The following RPS6KC1 variants were observed in gnomAD, a reference collection of about 807,000 sequenced individuals.
RPS6KC1 encodes the protein ribosomal protein S6 kinase C1, also known as inactive ribosomal protein S6 kinase delta-1.
A neutral mutation model predicts 103.8 loss-of-function variants in RPS6KC1; 54 were observed. That is an observed-to-expected ratio of 0.52 (90% CI 0.42 to 0.65). The LOEUF is 0.65. Ranked by LOEUF, RPS6KC1 falls within the 30% of genes least tolerant of loss-of-function variation. RPS6KC1 has a pLI of 0.00. For synonymous variants in RPS6KC1, 439 were observed against 438.7 expected (o/e 1.00, Z -0.01); for missense variants, 1,151 against 1,253.8 (o/e 0.92, Z 1.24).
At chr1:213,332,674 C>T in the RPS6KC1 span, among the ~76,000 whole-genome samples, 1 of 152,114 alleles carries the variant, frequency 6.6e-6, no homozygotes, top group African/African-American at 2.4e-5. Context: ...ACAGCTGGGT[C>T]GTGGGTTCCT....
the RPS6KC1 span, among the ~76,000 whole-genome samples, chr1:213,785,714 A>T: frequency 8.5e-4 from 129 of 152,250 alleles, no homozygotes; most frequent in African/African-American, 3.0e-3. Context: ...GGAGTTATCC[A>T]TGGGTTTATA....
At chr1:213,503,039 CTA>C in the RPS6KC1 span, among the ~76,000 whole-genome samples, 314 of 151,918 alleles carry the variant, frequency 2.1e-3, 1 homozygote, top group Non-Finnish European at 3.3e-3. Context: ...TGCATATGCT[CTA>C]TTTTCCTCTT....
intron 12 of RPS6KC1, among the ~76,000 whole-genome samples, chr1:213,245,560 A>G (rs1261347311): frequency 6.6e-6 from 1 of 152,122 alleles, no homozygotes; most frequent in Non-Finnish European, 1.5e-5. Flanking sequence ...CTTATCACAT[A>G]TTTGTCCTGA....
At chr1:213,408,468 G>T in the RPS6KC1 span, among the ~76,000 whole-genome samples, 1 of 152,182 alleles carries the variant, frequency 6.6e-6, no homozygotes, top group African/African-American at 2.4e-5. Context: ...TCATAGATGT[G>T]ATTAGCACCT....
At chr1:213,379,095 CT>C in the RPS6KC1 span, among the ~76,000 whole-genome samples, 45 of 152,272 alleles carry the variant, frequency 3.0e-4, no homozygotes, top group East Asian at 8.5e-3. Context: ...GACCCTTGAC[CT>C]TTCTGAGCCC....
At chr1:213,109,559 T>C (rs1407738605) in intron 4 of RPS6KC1, among the ~76,000 whole-genome samples, 1 of 152,252 alleles carries the variant, frequency 6.6e-6, no homozygotes, top group African/African-American at 2.4e-5. Flanking sequence ...TTAAACTGTT[T>C]TTTTTTCCAT....
At chr1:213,768,605 G>C in the RPS6KC1 span, among the ~76,000 whole-genome samples, 3 of 152,190 alleles carry the variant, frequency 2.0e-5, no homozygotes, top group Non-Finnish European at 2.9e-5. Flanking sequence ...TTACGGTTTG[G>C]CTAACAAAAC....
chr1:213,740,663 A>ATACACATATATATCTCTCAGATATATG, the RPS6KC1 span, among the ~76,000 whole-genome samples: 2,621 of 134,304 alleles, frequency 0.02, 148 homozygotes, highest in African/African-American at 0.041. Context: ...TCAGATATAT[A>ATACACATATATATCTCTCAGATATATG]TACACATATA....
At chr1:213,143,360 T>G (rs2087308518) in intron 6 of RPS6KC1, among the ~76,000 whole-genome samples, 1 of 152,004 alleles carries the variant, frequency 6.6e-6, no homozygotes, top group Non-Finnish European at 1.5e-5. Flanking sequence ...TTTTTTTTTC[T>G]TATTCACTCA....
the RPS6KC1 span, among the ~76,000 whole-genome samples, chr1:213,683,399 GA>G: frequency 6.6e-6 from 1 of 152,042 alleles, no homozygotes; most frequent in Non-Finnish European, 1.5e-5. Context: ...AAGTTAGAGA[GA>G]GGGGGAACAC....
the RPS6KC1 span, among the ~76,000 whole-genome samples, chr1:213,447,768 A>G: frequency 6.6e-6 from 1 of 152,232 alleles, no homozygotes; most frequent in Admixed American, 6.5e-5. Context: ...TTTATAACCA[A>G]TCCTCAGGAA....
chr1:213,682,893 G>A, the RPS6KC1 span, among the ~76,000 whole-genome samples: 508 of 152,220 alleles, frequency 3.3e-3, 1 homozygote, highest in Non-Finnish European at 4.9e-3. Flanking sequence ...TAAACAAAAC[G>A]AGATTTTACT....
chr1:213,351,405 T>C, the RPS6KC1 span, among the ~76,000 whole-genome samples: 1 of 152,170 alleles, frequency 6.6e-6, no homozygotes, highest in African/African-American at 2.4e-5. Context: ...TGGAATTCCA[T>C]GAGGGTAGCT....
chr1:213,064,070 T>C (rs897205577), intron 1 of RPS6KC1, among the ~76,000 whole-genome samples: 1 of 152,222 alleles, frequency 6.6e-6, no homozygotes, highest in African/African-American at 2.4e-5. Context: ...TTATTTATTT[T>C]TTTTGAGACG....
the RPS6KC1 span, among the ~76,000 whole-genome samples, chr1:213,727,519 G>T: frequency 2.0e-5 from 3 of 152,188 alleles, no homozygotes; most frequent in Non-Finnish European, 2.9e-5. Flanking sequence ...TAAATAATAA[G>T]AAGTGCTTCT....
At chr1:213,202,931 C>A (rs1287091626) in intron 8 of RPS6KC1, among the ~76,000 whole-genome samples, 1 of 151,976 alleles carries the variant, frequency 6.6e-6, no homozygotes, top group Admixed American at 6.6e-5. Flanking sequence ...TTATTTAATT[C>A]GTTCTCTTTA....
the RPS6KC1 span, among the ~76,000 whole-genome samples, chr1:213,667,045 G>T: frequency 6.6e-6 from 1 of 152,202 alleles, no homozygotes; most frequent in Non-Finnish European, 1.5e-5. Context: ...CATCAGTGAG[G>T]TGGGCAAACG....
At chr1:213,778,937 G>T in the RPS6KC1 span, among the ~76,000 whole-genome samples, 19 of 152,064 alleles carry the variant, frequency 1.2e-4, no homozygotes, top group African/African-American at 4.1e-4. Flanking sequence ...GGCTCCTGAG[G>T]CTCCCAACAC....
the RPS6KC1 span, among the ~76,000 whole-genome samples, chr1:213,758,854 A>G: frequency 6.6e-6 from 1 of 152,218 alleles, no homozygotes; most frequent in African/African-American, 2.4e-5. Flanking sequence ...GCTTCTTGAG[A>G]TGGAATCTAC....
Sources: gnomAD v4.1 joint callset for allele counts (sites outside exome capture counted in the v4.1 genomes callset) on GRCh38, gnomAD v4.1.1 for gene constraint, MANE v1.5 for transcripts, NCBI Gene and HGNC (gene_info 2026-07-23, HGNC 2026-07-21) for gene names.